Variants in GPR158 observed in about 807,000 individuals in gnomAD.
The protein encoded by GPR158 is metabotropic glycine receptor.
A neutral mutation model predicts 78.2 loss-of-function variants in GPR158; 30 were observed. The observed-to-expected ratio is 0.38, with a 90% CI of 0.29 to 0.52. The LOEUF (loss-of-function observed/expected upper bound fraction) is 0.52, where lower values mean the gene tolerates loss of function less well. Ranked by LOEUF, GPR158 falls within the 20% of genes least tolerant of loss-of-function variation. GPR158 has a pLI of 0.83. For missense variants in GPR158, 1,463 were observed against 1,523.5 expected, an observed-to-expected ratio of 0.96 and a Z score of 0.66; for synonymous variants, 581 against 591.1, an observed-to-expected ratio of 0.98 and a Z score of 0.25.
intron 2 of GPR158, among the ~76,000 whole-genome samples, chr10:25,286,833 A>G (rs901693930): frequency 2.6e-5 from 4 of 152,110 alleles, no homozygotes; most frequent in Non-Finnish European, 2.9e-5. Flanking sequence ...TTGCCATTTC[A>G]GTAGTTGTTA....
At chr10:25,479,640 C>T (rs1375596753) in intron 5 of GPR158, among the ~76,000 whole-genome samples, 1 of 152,038 alleles carries the variant, frequency 6.6e-6, no homozygotes, top group Non-Finnish European at 1.5e-5. Context: ...GTCTCGAACA[C>T]CTGACCTCAA....
intron 4 of GPR158, among the ~76,000 whole-genome samples, chr10:25,425,732 T>C (rs1834811815): frequency 6.6e-6 from 1 of 152,088 alleles, no homozygotes; most frequent in East Asian, 1.9e-4. Context: ...TTATGGGTTA[T>C]TTCTTATATT....
At position 25,412,343 on chromosome 10, in the gene GPR158, G is replaced by C; in HGVS notation, c.1205G>C (p.Cys402Ser). ...CCTTGCAGGGAGGGCTGCCCCTTCT[G>C]TGCTGATGACAGCCCATGCTTCGTC... is the stretch of plus-strand genomic sequence containing the variant. Reference protein sequence around the residue: ...CLPCREGCPFCADDSPCFVQE... With the variant: ...CLPCREGCPFSADDSPCFVQE... Residue 402 changes from cysteine (C) to serine (S), a missense_variant, in exon 4 of 11, where the codon TGT becomes TCT. Physicochemically the swap from Cys to Ser is moderately radical, Grantham distance 112 (BLOSUM62 -1). Coordinates refer to ENST00000376351, the MANE Select transcript of GPR158 (RefSeq NM_020752.3). 1 of 1,613,688 alleles carries C rather than the reference G, an allele frequency of 6.2e-7. No homozygotes were observed. Among genetic ancestry groups the C allele is most frequent in the Non-Finnish European group, 8.5e-7 (1 of 1,179,540 alleles).
intron 1 of GPR158, among the ~76,000 whole-genome samples, chr10:25,191,753 G>C (rs554230867): frequency 1.3e-3 from 192 of 152,228 alleles, no homozygotes; most frequent in African/African-American, 4.3e-3. Context: ...TATCAGTACT[G>C]CAAATTTAAA....
chr10:25,195,049 T>G (rs1297459690), intron 1 of GPR158, among the ~76,000 whole-genome samples: 2 of 152,104 alleles, frequency 1.3e-5, no homozygotes, highest in Non-Finnish European at 2.9e-5. Context: ...GTCCAGATCT[T>G]TTTCTAGATC....
intron 2 of GPR158, chr10:25,244,846 T>TTTTAA (rs1192658876): frequency 6.6e-6 from 1 of 151,878 alleles, no homozygotes; most frequent in Non-Finnish European, 1.5e-5. Context: ...TCCTAGACTT[T>TTTTAA]TTTTTTTTTT....
intron 4 of GPR158, among the ~76,000 whole-genome samples, chr10:25,432,175 C>T (rs1239438324): frequency 1.3e-5 from 2 of 152,084 alleles, no homozygotes; most frequent in Non-Finnish European, 2.9e-5. Flanking sequence ...CAGAAAAACA[C>T]TCAATAGAAA....
At chr10:25,376,051 T>C (rs191481443) in intron 2 of GPR158, among the ~76,000 whole-genome samples, 1 of 151,742 alleles carries the variant, frequency 6.6e-6, no homozygotes, top group East Asian at 1.9e-4. Context: ...GTCTTTGATT[T>C]CTTTAGCAGC....
intron 2 of GPR158, among the ~76,000 whole-genome samples, chr10:25,341,703 A>T (rs1456817522): frequency 6.6e-6 from 1 of 151,768 alleles, no homozygotes; most frequent in Non-Finnish European, 1.5e-5. Context: ...ACTTTCATAA[A>T]CTATTATTTT....
intron 3 of GPR158, among the ~76,000 whole-genome samples, chr10:25,397,028 C>A (rs76188858): frequency 0.018 from 2,742 of 152,240 alleles, 78 homozygotes; most frequent in African/African-American, 0.054. Context: ...TCAAGGCTAC[C>A]AGGAGAATCT....
chr10:25,498,193 A>T (rs1835908729), intron 5 of GPR158, among the ~76,000 whole-genome samples: 1 of 152,166 alleles, frequency 6.6e-6, no homozygotes, highest in South Asian at 2.1e-4. Flanking sequence ...AGGCTTCCAA[A>T]CACATGCCTT....
rs932186608 is a variant in GPR158, at chr10:25,278,760, ATAAT to A, written c.1008+57608_1008+57611del. ...TTAATTAAATAATTAAAGTATTTAA[ATAAT>A]TAATAAAATTAAGTTTATCTGAAGT... On this transcript the variant is annotated intron_variant, in intron 2 of 10. Transcript: ENST00000376351. Among the ~76,000 whole-genome samples, 17 of 151,652 alleles carry A rather than the reference ATAAT, an allele frequency of 1.1e-4. No homozygotes were observed. The East Asian group carries it at 1.2e-3, about 10-fold the overall frequency.
chr10:25,335,189 G>A lies in GPR158; in HGVS notation c.1009-60722G>A, dbSNP rs139806851. Among the ~76,000 whole-genome samples, 1,024 of 152,118 alleles carry A rather than the reference G, an allele frequency of 6.7e-3. 3 individuals are homozygous for A. The highest frequency in any genetic ancestry group is 0.01 in the Middle Eastern group (3 of 294). On this transcript the variant is annotated intron_variant, in intron 2 of 10. Transcript: ENST00000376351. ...TGAGTTAGTACTTAACAGAGAGAGA[G>A]CAAATGAGTGCTATCCTTGGATTTT...
chr10:25,244,235 A>G lies in GPR158; in HGVS notation c.1008+23078A>G, dbSNP rs138178287. ...TGTTACCACTACTCTCTCATCCTTC[A>G]TGTATTCAGTAGCTATTTTATCTCT... On this transcript the variant is annotated intron_variant, in intron 2 of 10. Coordinates refer to ENST00000376351, the MANE Select transcript of GPR158 (RefSeq NM_020752.3). 110 of 152,298 alleles carry G rather than the reference A, an allele frequency of 7.2e-4. 1 individual carries two copies. The highest frequency in any genetic ancestry group is 2.4e-3 in the African/African-American group (101 of 41,566). 9.4% of individuals were successfully genotyped at this position (152,298 alleles called of 1,614,324 possible). A position where few individuals can be genotyped will look rare whatever the true frequency, so the allele number is the denominator to read the frequency against.
intron 2 of GPR158, among the ~76,000 whole-genome samples, chr10:25,238,344 T>C (rs145307615): frequency 1.3e-5 from 2 of 152,368 alleles, no homozygotes; most frequent in Admixed American, 1.3e-4. Context: ...GACCGCATAA[T>C]ACCTGGGAGT....
At chr10:25,375,055 G>C (rs1295609888) in intron 2 of GPR158, among the ~76,000 whole-genome samples, 1 of 151,544 alleles carries the variant, frequency 6.6e-6, no homozygotes, top group African/African-American at 2.4e-5. Context: ...CCAGTAGTTG[G>C]TGTGATCACT....
At chr10:25,559,372 T>C (rs1046484410) in intron 6 of GPR158, among the ~76,000 whole-genome samples, 4 of 152,214 alleles carry the variant, frequency 2.6e-5, no homozygotes, top group African/African-American at 7.2e-5. Context: ...CACTCTCATA[T>C]TATGCTGGAG....
intron 4 of GPR158, among the ~76,000 whole-genome samples, chr10:25,438,376 G>A (rs906498589): frequency 5.3e-5 from 8 of 152,178 alleles, no homozygotes; most frequent in Non-Finnish European, 8.8e-5. Context: ...TATTGGCATC[G>A]GTAGTTATGT....
At chr10:25,576,008 C>T (rs1837089184) in intron 7 of GPR158, among the ~76,000 whole-genome samples, 1 of 119,568 alleles carries the variant, frequency 8.4e-6, no homozygotes, top group Non-Finnish European at 1.7e-5. Flanking sequence ...ATCTAAAACT[C>T]CCCTACCTCC....
Sources: allele counts gnomAD v4.1 joint callset (sites outside exome capture counted in the v4.1 genomes callset), GRCh38; gene constraint gnomAD v4.1.1; transcripts MANE v1.5; gene names NCBI Gene and HGNC (gene_info 2026-07-23, HGNC 2026-07-21).